RBFOX1: variants seen among roughly 807,000 people sequenced by gnomAD.
RBFOX1 encodes the protein RNA binding protein fox-1 homolog 1.
A neutral mutation model predicts 57.7 loss-of-function variants in RBFOX1; 8 were observed. That is an observed-to-expected ratio of 0.14 (90% CI 0.08 to 0.25). The LOEUF is 0.25. RBFOX1 is among the 10% of genes least tolerant of loss of function. The pLI is 1.00. For synonymous variants in RBFOX1, 326 were observed against 222.4 expected, an observed-to-expected ratio of 1.47 and a Z score of -4.15; for missense variants, 611 against 548.5, an observed-to-expected ratio of 1.11 and a Z score of -1.14.
intron 3 of RBFOX1, among the ~76,000 whole-genome samples, chr16:5,723,163 G>T (rs756239883): frequency 1.3e-5 from 2 of 152,174 alleles, no homozygotes; most frequent in Non-Finnish European, 2.9e-5. Context: ...TGCTACTTGA[G>T]TGTATGCATC....
intron 1 of RBFOX1, among the ~76,000 whole-genome samples, chr16:6,304,876 C>CAAAAAAAAAAAAAAAAA (rs58680911): frequency 1.3e-5 from 1 of 79,676 alleles, no homozygotes; most frequent in Non-Finnish European, 2.2e-5. Flanking sequence ...GACCCTGTCT[C>CAAAAAAAAAAAAAAAAA]AAAAAAAAAA....
In RBFOX1 at chr16:7,698,813, T is replaced by G. The variant is rs556312316; in HGVS notation, c.996-10243T>G. Among the ~76,000 whole-genome samples the G allele has an allele frequency of 4.6e-5, 7 of 152,286 alleles. No individual in the cohort carries two copies. In the East Asian group the frequency reaches 1.4e-3, roughly 29 times the overall value. ...ACTTAGGAAACATACTCCCACTTAT[T>G]GAGAACCTTCTGTATATGAGGCATA... On this transcript the variant is annotated intron_variant, in intron 14 of 15. Transcript: ENST00000550418.
chr16:7,475,383 C>T (rs948957637), intron 4 of RBFOX1, among the ~76,000 whole-genome samples: 5 of 150,108 alleles, frequency 3.3e-5, no homozygotes, highest in African/African-American at 9.8e-5. Context: ...GGCGCGATCT[C>T]GGCTCACTGC....
intron 2 of RBFOX1, among the ~76,000 whole-genome samples, chr16:6,470,429 G>A (rs759178457): frequency 1.2e-4 from 18 of 152,242 alleles, no homozygotes; most frequent in Non-Finnish European, 2.5e-4. Context: ...ATTCAAATGA[G>A]TTTTAAAAGT....
chr16:7,106,520 A>G (rs1437494654), intron 4 of RBFOX1, among the ~76,000 whole-genome samples: 1 of 152,180 alleles, frequency 6.6e-6, no homozygotes, highest in African/African-American at 2.4e-5. Flanking sequence ...TTAATTCTGC[A>G]CTACTTGTTG....
intron 11 of RBFOX1, among the ~76,000 whole-genome samples, chr16:7,637,282 AAAG>A (rs2061929023): frequency 6.6e-6 from 1 of 150,596 alleles, no homozygotes; most frequent in African/African-American, 2.5e-5. Context: ...AAAAAAAAAA[AAAG>A]AAGGAAAAAA....
intron 2 of RBFOX1, among the ~76,000 whole-genome samples, chr16:6,501,888 A>T (rs930626043): frequency 1.3e-5 from 2 of 152,166 alleles, no homozygotes; most frequent in African/African-American, 4.8e-5. Flanking sequence ...TTACTTGTTC[A>T]TAGATTCATG....
At chr16:7,419,907 T>C (rs1224518036) in intron 4 of RBFOX1, among the ~76,000 whole-genome samples, 1 of 149,626 alleles carries the variant, frequency 6.7e-6, no homozygotes, top group Non-Finnish European at 1.5e-5. Context: ...TAAAAGGATC[T>C]GTTTTCTTTC....
Position 6,019,963 on chromosome 16 carries a change from G to T in RBFOX1, c.-156G>T, listed in dbSNP as rs2095034541. ...TTCGGGGGTCTGGGGCCGAGAACGT[G>T]ACCGCAGCCGGGCTCGCCGGGAGTT... is the stretch of plus-strand genomic sequence containing the variant. On this transcript the variant is annotated 5_prime_UTR_variant, in exon 1 of 16. The change abolishes the stop of an existing upstream ORF in the 5' untranslated region. Transcript: ENST00000550418. The surrounding 1 kb of genome is among the most constrained non-coding windows in gnomAD (Gnocchi z 4.2). The T allele has an allele frequency of 2.0e-6, 3 of 1,531,626 alleles. No individual in the cohort carries two copies. Among genetic ancestry groups the T allele is most frequent in the Non-Finnish European group, 2.6e-6 (3 of 1,144,154 alleles). The allele number at this position is 1,531,626 out of a possible 1,614,324, so 94.9% of individuals were successfully genotyped here. A position where few individuals can be genotyped will look rare whatever the true frequency, so the allele number is the denominator to read the frequency against.
At chr16:5,274,789 GTCTC>G (rs1267280192) in intron 1 of RBFOX1, among the ~76,000 whole-genome samples, 1 of 152,178 alleles carries the variant, frequency 6.6e-6, no homozygotes, top group African/African-American at 2.4e-5. Context: ...GGTAAGATCT[GTCTC>G]TGGCAGAGCC....
At chr16:6,983,055 G>A (rs933518738) in intron 3 of RBFOX1, among the ~76,000 whole-genome samples, 4 of 146,422 alleles carry the variant, frequency 2.7e-5, no homozygotes, top group Non-Finnish European at 6.0e-5. Context: ...ATTTTGGTAA[G>A]TTATCTAACA....
At chr16:5,685,063 C>G (rs1189933149) in intron 3 of RBFOX1, among the ~76,000 whole-genome samples, 1 of 152,054 alleles carries the variant, frequency 6.6e-6, no homozygotes, top group Non-Finnish European at 1.5e-5. Flanking sequence ...CTCTTCCCAG[C>G]TGAGATGAAT....
Position 7,577,100 on chromosome 16 carries a change from G to A in RBFOX1, c.271-2677G>A, listed in dbSNP as rs184291763. 5.3e-5 allele frequency among the ~76,000 whole-genome samples: 8 copies of A among 152,278 alleles called. No individual in the cohort carries two copies. In the East Asian group the frequency reaches 7.7e-4, roughly 15 times the overall value. On this transcript the variant is annotated intron_variant, in intron 5 of 15. Coordinates refer to ENST00000550418, the MANE Select transcript of RBFOX1 (RefSeq NM_018723.4). ...TCTTCGACTATCACATGAAGGCGGC[G>A]ACATTGATTGTACACTTCTTCATGC... is the stretch of plus-strand genomic sequence containing the variant.
At chr16:5,765,629 C>T (rs550711949) in intron 3 of RBFOX1, among the ~76,000 whole-genome samples, 3 of 152,150 alleles carry the variant, frequency 2.0e-5, no homozygotes, top group Admixed American at 1.3e-4. Flanking sequence ...TCTGCAAACA[C>T]TGTAAGAGAT....
In RBFOX1 at chr16:5,659,555, G is replaced by A. The variant is rs143460745; in HGVS notation, c.318+60594G>A. The stretch of plus-strand genomic sequence containing the variant: ...CCTGACCTTGTGATCCGTCCGCCTC[G>A]GCCTCCCAAAGTGCTGGGATTACAG... On this transcript the variant is annotated intron_variant, in intron 3 of 19. Coordinates refer to the RBFOX1 transcript ENST00000641259. Among the ~76,000 whole-genome samples the A allele has an allele frequency of 3.5e-3, 538 of 152,108 alleles. 3 individuals are homozygous for A. The highest frequency in any genetic ancestry group is 0.011 in the African/African-American group (467 of 41,488).
chr16:7,033,426 A>G (rs1034924631), intron 3 of RBFOX1, among the ~76,000 whole-genome samples: 2 of 152,196 alleles, frequency 1.3e-5, no homozygotes, highest in Non-Finnish European at 2.9e-5. Flanking sequence ...AGGCTGAGGC[A>G]GGAGATTCGC....
chr16:5,891,167 G>A (rs1407057567), intron 4 of RBFOX1, among the ~76,000 whole-genome samples: 1 of 151,756 alleles, frequency 6.6e-6, no homozygotes, highest in Non-Finnish European at 1.5e-5. Context: ...TTTTTTCTTT[G>A]CACAAAGGGC....
chr16:7,363,054 T>C (rs182484029), intron 4 of RBFOX1, among the ~76,000 whole-genome samples: 50 of 152,248 alleles, frequency 3.3e-4, no homozygotes, highest in Admixed American at 7.8e-4. Context: ...AATCACCCAG[T>C]GTGGGGCCTG....
rs188265679 is a variant in RBFOX1, at chr16:5,445,254, T to G, written c.220-21962T>G. Among the ~76,000 whole-genome samples the G allele has an allele frequency of 1.8e-4, 27 of 152,236 alleles. No homozygotes were observed. The East Asian group carries it at 5.0e-3, about 28-fold the overall frequency. On this transcript the variant is annotated intron_variant, in intron 1 of 2. Coordinates refer to the RBFOX1 transcript ENST00000585867. Reference sequence around the variant, plus strand: ...TATGACAAATATTTAGAGGTGAAAATCAACAGGACATGGTATTTGATGAAG... The same window carrying G: ...TATGACAAATATTTAGAGGTGAAAAGCAACAGGACATGGTATTTGATGAAG...
Sources: gnomAD v4.1 joint callset for allele counts (sites outside exome capture counted in the v4.1 genomes callset) on GRCh38, gnomAD v4.1.1 for gene constraint, Gnocchi (gnomAD v3.1) non-coding constraint, MANE v1.5 for transcripts, NCBI Gene and HGNC (gene_info 2026-07-23, HGNC 2026-07-21) for gene names.